The following GPR137B variants were observed in gnomAD, a reference collection of about 807,000 sequenced individuals.
The protein encoded by GPR137B is integral membrane protein GPR137B.
In GPR137B, 42 loss-of-function variants were observed where a neutral mutation model predicts 42.5. The observed-to-expected ratio is 0.99, with a 90% CI of 0.77 to 1.28. The LOEUF (loss-of-function observed/expected upper bound fraction) is 1.28, where lower values mean the gene tolerates loss of function less well. GPR137B is among the 50% of genes most tolerant of loss of function. GPR137B has a pLI of 0.00. For synonymous variants in GPR137B, 218 were observed against 209.7 expected (o/e 1.04, Z -0.34); for missense variants, 487 against 493.9 (o/e 0.99, Z 0.13).
At chr1:236,183,175 AC>A (rs1378772901) in intron 4 of GPR137B, among the ~76,000 whole-genome samples, 1 of 152,142 alleles carries the variant, frequency 6.6e-6, no homozygotes, top group African/African-American at 2.4e-5. Context: ...CTCATACCAA[AC>A]ACCTTAGGCT....
At chr1:236,159,616 GA>G (rs141919324) in intron 1 of GPR137B, among the ~76,000 whole-genome samples, 3,458 of 142,898 alleles carry the variant, frequency 0.024, 153 homozygotes, top group African/African-American at 0.081. Context: ...GAGGTTGCAG[GA>G]AAAAAAAAAA....
chr1:236,178,518 T>TA lies in GPR137B; in HGVS notation c.569_570insA (p.Val191ArgfsTer8). 3.7e-6 allele frequency: 6 copies of TA among 1,613,528 alleles called. No individual in the cohort carries two copies. Among genetic ancestry groups the TA allele is most frequent in the Non-Finnish European group, 5.1e-6 (6 of 1,179,634 alleles). ...ACGGGAAATTGGGAGAGGAAGGTTA[T>TA]CGTCTCTGTGCGAGTGGCCATTAAT... is the stretch of plus-strand genomic sequence containing the variant. On this transcript the variant is annotated frameshift_variant, in exon 3 of 7. Coordinates refer to ENST00000366592, the MANE Select transcript of GPR137B (RefSeq NM_003272.4). LOFTEE classifies it high-confidence loss of function.
Position 236,178,624 on chromosome 1 carries a change from C to G in GPR137B, c.675C>G (p.Tyr225Ter). The change falls in exon 3 of 7, where the codon TAC becomes TAG. Residue 225 changes from tyrosine to a stop codon, truncating the protein, a stop_gained. Transcript: ENST00000366592. LOFTEE classifies it high-confidence loss of function. ...KISKMSLANI[Y>*]LESKGSSVCQ... ...CTAAGATGTCCTTAGCCAACATTTA[C>G]TTGGAGTCCAAGGTAGGTGGAAATG... The G allele has an allele frequency of 6.2e-7, 1 of 1,600,550 alleles. No individual in the cohort carries two copies. The highest frequency in any genetic ancestry group is 8.6e-7 in the Non-Finnish European group (1 of 1,169,274).
rs186536959 is a variant in GPR137B at position 236,170,809 on chromosome 1, C to T, written c.464+2054C>T. Among the ~76,000 whole-genome samples the T allele has an allele frequency of 6.8e-4, 104 of 152,010 alleles. No individual in the cohort carries two copies. In the Middle Eastern group the frequency reaches 0.027, roughly 40 times the overall value. The stretch of plus-strand genomic sequence containing the variant: ...TGGCCAACATGGTGAAACCCCGTTT[C>T]TACTAAAAATACAGAAATTAGCTGT... On this transcript the variant is annotated intron_variant, in intron 2 of 6. Transcript: ENST00000366592.
chr1:236,194,781 G>A (rs1325502094), intron 5 of GPR137B, among the ~76,000 whole-genome samples: 2 of 152,154 alleles, frequency 1.3e-5, no homozygotes, highest in Admixed American at 1.3e-4. Flanking sequence ...ACCAGTCATT[G>A]GAAATTTTTT....
chr1:236,142,638 CCCCGGCCG>C lies in GPR137B; in HGVS notation c.18_25del (p.Pro8GlnfsTer188), dbSNP rs1558475057. On this transcript the variant is annotated frameshift_variant, in exon 1 of 7. Coordinates refer to ENST00000366592, the MANE Select transcript of GPR137B (RefSeq NM_003272.4). LOFTEE classifies it high-confidence loss of function. ...GTGAGCCCCGATGAGGCCCGAGCGTCCCCGGCCGCGCGGCAGCGCCCCCGGCCCGATGG... is the reference window on the plus strand; with the variant it reads ...GTGAGCCCCGATGAGGCCCGAGCGTCCGCGGCAGCGCCCCCGGCCCGATGG... 3.4e-6 allele frequency: 5 copies of C among 1,489,132 alleles called. No individual in the cohort carries two copies. The highest frequency in any genetic ancestry group is 4.4e-6 in the Non-Finnish European group (5 of 1,127,298). 92.2% of individuals were successfully genotyped at this position (1,489,132 alleles called of 1,614,324 possible).
chr1:236,185,742 T>G (rs1663001184), intron 5 of GPR137B, among the ~76,000 whole-genome samples: 1 of 152,150 alleles, frequency 6.6e-6, no homozygotes, highest in Admixed American at 6.6e-5. Flanking sequence ...TCCTGGCTGT[T>G]TTTTGTCTTT....
chr1:236,178,507 G>A lies in GPR137B; in HGVS notation c.558G>A (p.Glu186=), dbSNP rs1316644282. 1 of 1,613,580 alleles carries A rather than the reference G, an allele frequency of 6.2e-7. No homozygotes were observed. The highest frequency in any genetic ancestry group is 1.3e-5 in the African/African-American group (1 of 74,872). ...TGCTGGTAAAGACGGGAAATTGGGA[G>A]AGGAAGGTTATCGTCTCTGTGCGAG... The part of the protein sequence containing the change: ...CAVLVKTGNW[E]RKVIVSVRVA... The change falls in exon 3 of 7, where the codon GAG becomes GAA. Residue 186 remains glutamate (E), a synonymous_variant. Transcript: ENST00000366592.
intron 1 of GPR137B, among the ~76,000 whole-genome samples, chr1:236,153,738 G>A (rs773360838): frequency 4.6e-5 from 7 of 152,210 alleles, no homozygotes; most frequent in Non-Finnish European, 7.3e-5. Context: ...TATGAAGTGT[G>A]AGATGTTTTC....
In GPR137B at chr1:236,150,632, C is replaced by G. The variant is rs934339818; in HGVS notation, c.414+7596C>G. On this transcript the variant is annotated intron_variant, in intron 1 of 6. Coordinates refer to ENST00000366592, the MANE Select transcript of GPR137B (RefSeq NM_003272.4). The surrounding 1 kb of genome is among the most constrained non-coding windows in gnomAD (Gnocchi z 6.2). ...GTGACCATGCAGGAAGCCTGGACTT[C>G]CCCACAGCAGAGGCTGGGCTGAGGC... Among the ~76,000 whole-genome samples, 4 of 152,226 alleles carry G rather than the reference C, an allele frequency of 2.6e-5. No individual in the cohort carries two copies. Among genetic ancestry groups the G allele is most frequent in the Non-Finnish European group, 5.9e-5 (4 of 68,046 alleles).
intron 5 of GPR137B, among the ~76,000 whole-genome samples, chr1:236,191,303 A>C (rs1663185529): frequency 6.6e-6 from 1 of 152,018 alleles, no homozygotes; most frequent in Non-Finnish European, 1.5e-5. Context: ...TTTAGCTCGG[A>C]GGAGTTTATT....
intron 5 of GPR137B, among the ~76,000 whole-genome samples, chr1:236,188,871 T>G (rs1172704230): frequency 6.6e-6 from 1 of 152,118 alleles, no homozygotes; most frequent in African/African-American, 2.4e-5. Context: ...TTTTCTGTTG[T>G]TTAGAGTAGT....
At chr1:236,178,785 G>GGTTTTTTTTTTTTTTT (rs1662771288) in intron 3 of GPR137B, 149 bp downstream of exon 3, 2 of 48,310 alleles carry the variant, frequency 4.1e-5, no homozygotes, top group African/African-American at 1.3e-4. Context: ...GCTACTCGAG[G>GGTTTTTTTTTTTTTTT]TTTTTTTTTT....
At chr1:236,183,972 G>A (rs1445789002) in intron 5 of GPR137B, 66 bp downstream of exon 5, 1 of 1,137,542 alleles carries the variant, frequency 8.8e-7, no homozygotes, top group Non-Finnish European at 1.3e-6. Flanking sequence ...CCTGCAATTA[G>A]AACTTTTTCT....
At chr1:236,195,623 A>T (rs994250570) in intron 5 of GPR137B, among the ~76,000 whole-genome samples, 1 of 152,212 alleles carries the variant, frequency 6.6e-6, no homozygotes, top group Non-Finnish European at 1.5e-5. Flanking sequence ...GGTAGATACC[A>T]GCAGTGGGAT....
chr1:236,151,135 CT>C, intron 1 of GPR137B, among the ~76,000 whole-genome samples: 1 of 152,338 alleles, frequency 6.6e-6, no homozygotes, highest in Non-Finnish European at 1.5e-5. Flanking sequence ...GTTGGAAGGT[CT>C]GTCTGGGTCC....
At chr1:236,184,604 G>T (rs1662969315) in intron 5 of GPR137B, among the ~76,000 whole-genome samples, 1 of 152,154 alleles carries the variant, frequency 6.6e-6, no homozygotes, top group Admixed American at 6.5e-5. Context: ...AGAGCGGGTG[G>T]TGAAGAAGGC....
intron 1 of GPR137B, among the ~76,000 whole-genome samples, chr1:236,160,021 C>G (rs529779628): frequency 6.6e-6 from 1 of 152,172 alleles, no homozygotes; most frequent in Non-Finnish European, 1.5e-5. Context: ...AGCGTCATCC[C>G]CAGATCTATT....
rs770193079 is a variant in GPR137B at position 236,208,164 on chromosome 1, G to A, written c.*6G>A. 1.7e-5 allele frequency: 28 copies of A among 1,613,200 alleles called. No homozygotes were observed. The Middle Eastern group carries it at 1.5e-3, about 85-fold the overall frequency. ...ACAAACCAAGCCTTGGGTAGCATCAGTTAACAGTTTTATGGACGATTCCTC... is the reference window on the plus strand; with the variant it reads ...ACAAACCAAGCCTTGGGTAGCATCAATTAACAGTTTTATGGACGATTCCTC... On this transcript the variant is annotated 3_prime_UTR_variant, in exon 7 of 7. Coordinates refer to ENST00000366592, the MANE Select transcript of GPR137B (RefSeq NM_003272.4).
Sources: gnomAD v4.1 joint callset for allele counts (sites outside exome capture counted in the v4.1 genomes callset) on GRCh38, gnomAD v4.1.1 for gene constraint, Gnocchi (gnomAD v3.1) non-coding constraint, MANE v1.5 for transcripts, NCBI Gene and HGNC (gene_info 2026-07-23, HGNC 2026-07-21) for gene names.